The following HTR4 variants were observed in gnomAD, a reference collection of about 807,000 sequenced individuals.
HTR4 encodes the protein 5-hydroxytryptamine (serotonin) receptor 4, G protein-coupled.
Under a neutral mutation model 36.8 loss-of-function variants are expected in HTR4, and 16 were observed. That is an observed-to-expected ratio of 0.43 (90% CI 0.29 to 0.66). The LOEUF (loss-of-function observed/expected upper bound fraction) is 0.66, where lower values mean the gene tolerates loss of function less well. HTR4 is among the 30% of genes least tolerant of loss of function. The pLI, the probability that HTR4 is intolerant of heterozygous loss-of-function variation, is 0.13. For synonymous variants in HTR4, 189 were observed against 185.1 expected (o/e 1.02, Z -0.17); for missense variants, 438 against 490.9 (o/e 0.89, Z 1.02).
intron 6 of HTR4, among the ~76,000 whole-genome samples, chr5:148,495,636 A>G (rs1169269276): frequency 6.6e-6 from 1 of 152,180 alleles, no homozygotes; most frequent in African/African-American, 2.4e-5. Context: ...TCAAATTAAT[A>G]TGACTTGTTC....
chr5:148,610,466 C>A (rs1752377284), intron 2 of HTR4, among the ~76,000 whole-genome samples: 1 of 152,156 alleles, frequency 6.6e-6, no homozygotes, highest in Non-Finnish European at 1.5e-5. Context: ...AGCTGAGGGT[C>A]CTGTCTGCTA....
In HTR4 at chr5:148,497,288, G is replaced by T. The variant is rs191590994; in HGVS notation, c.1076+12168C>A. Among the ~76,000 whole-genome samples, 32 of 152,176 alleles carry T rather than the reference G, an allele frequency of 2.1e-4. 1 individual carries two copies. The East Asian group carries it at 5.0e-3, about 24-fold the overall frequency. On this transcript the variant is annotated intron_variant, in intron 6 of 6. Transcript: ENST00000377888. ...TTTTTCTTAATTCACATACTAATTG[G>T]TTTTTTCTCATGTGTAGGAAAGTCA...
chr5:148,633,972 G>C (rs1346366416), intron 2 of HTR4, among the ~76,000 whole-genome samples: 3 of 152,052 alleles, frequency 2.0e-5, no homozygotes, highest in Non-Finnish European at 4.4e-5. Context: ...GATGTTTTTA[G>C]TCAAGGATGC....
chr5:148,464,841 A>G lies in HTR4; in HGVS notation c.1077-13569T>C, dbSNP rs374261499. On this transcript the variant is annotated intron_variant, in intron 5 of 5. Transcript: ENST00000521530. ...GGAAAGCAACCGAGAAATTTTTAGTAGGTGAATGGATAAATTGTAGTGCTT... is the reference window on the plus strand; with the variant it reads ...GGAAAGCAACCGAGAAATTTTTAGTGGGTGAATGGATAAATTGTAGTGCTT... Among the ~76,000 whole-genome samples the G allele has an allele frequency of 2.6e-5, 4 of 152,318 alleles. 1 individual carries two copies. Among genetic ancestry groups the G allele is most frequent in the East Asian group, 1.9e-4 (1 of 5,182 alleles).
intron 6 of HTR4, among the ~76,000 whole-genome samples, chr5:148,505,793 A>G (rs1334931030): frequency 6.6e-6 from 1 of 152,230 alleles, no homozygotes; most frequent in Non-Finnish European, 1.5e-5. Flanking sequence ...AGAGAATAAA[A>G]TACCTAGGAA....
rs142315076 is a variant in HTR4, at chr5:148,579,531, T to C, written c.27-29269A>G. Among the ~76,000 whole-genome samples, 266 of 152,132 alleles carry C rather than the reference T, an allele frequency of 1.7e-3. 1 individual carries two copies. Among genetic ancestry groups the C allele is most frequent in the Non-Finnish European group, 2.6e-3 (176 of 67,958 alleles). On this transcript the variant is annotated intron_variant, in intron 2 of 6. Transcript: ENST00000377888. The stretch of plus-strand genomic sequence containing the variant: ...TAACAATTTACTGCAAAGTTAGCAG[T>C]TTAATATAACACCCATTCATTATCT...
chr5:148,514,088 C>T (rs779367610), intron 5 of HTR4, among the ~76,000 whole-genome samples: 3 of 152,008 alleles, frequency 2.0e-5, no homozygotes, highest in Non-Finnish European at 4.4e-5. Flanking sequence ...CTTTCCAATC[C>T]TAATATCACT....
At chr5:148,614,517 T>C (rs1269220564) in intron 2 of HTR4, among the ~76,000 whole-genome samples, 4 of 152,066 alleles carry the variant, frequency 2.6e-5, no homozygotes, top group African/African-American at 9.7e-5. Flanking sequence ...TTACACCTTA[T>C]ACAAAAATTA....
intron 2 of HTR4, among the ~76,000 whole-genome samples, chr5:148,627,245 A>G (rs553652201): frequency 6.6e-6 from 1 of 152,282 alleles, no homozygotes; most frequent in South Asian, 2.1e-4. Flanking sequence ...TTCCGTGCAG[A>G]CTGATAGATC....
rs1753851127 is a variant in HTR4, at chr5:148,645,388, T to C, written c.-47-8327A>G. 3 of 152,254 alleles carry C rather than the reference T, an allele frequency of 2.0e-5. No homozygotes were observed. In the South Asian group the frequency reaches 6.2e-4, roughly 31 times the overall value. 9.4% of individuals were successfully genotyped at this position (152,254 alleles called of 1,614,324 possible). A position where few individuals can be genotyped will look rare whatever the true frequency, so the allele number is the denominator to read the frequency against. ...CATGGACATAGAAATTTGAATTTTA[T>C]GTAATTTACACTTGTCACAAAATAT... On this transcript the variant is annotated intron_variant, in intron 1 of 6. Transcript: ENST00000377888.
intron 6 of HTR4, among the ~76,000 whole-genome samples, chr5:148,500,250 A>C (rs1282006759): frequency 6.6e-6 from 1 of 152,138 alleles, no homozygotes; most frequent in African/African-American, 2.4e-5. Flanking sequence ...TATTGATCAA[A>C]GAGTGAGGTG....
chr5:148,466,058 A>C, intron 5 of HTR4: 2 of 1,500,666 alleles, frequency 1.3e-6, no homozygotes, highest in Non-Finnish European at 1.8e-6. Flanking sequence ...AATATTCTTA[A>C]AGTGCTTTTA....
intron 2 of HTR4, among the ~76,000 whole-genome samples, chr5:148,601,516 G>C (rs1761995208): frequency 6.6e-6 from 1 of 152,130 alleles, no homozygotes; most frequent in South Asian, 2.1e-4. Flanking sequence ...CCTTTAAAAA[G>C]AGGGCCAGGT....
rs201447879 is a variant in HTR4, at chr5:148,465,904, G to C, written c.1077-14632C>G. On this transcript the variant is annotated intron_variant, in intron 5 of 5. Transcript: ENST00000521530. ...GTCTATTGCAGAAGAGCAGGAGGAA[G>C]CTGGAGACAGGGGAACAGCCACTTT... is the stretch of plus-strand genomic sequence containing the variant. The C allele has an allele frequency of 6.1e-5, 99 of 1,613,582 alleles. No individual in the cohort carries two copies. In the Middle Eastern group the frequency reaches 8.2e-4, roughly 13 times the overall value.
intron 1 of HTR4, among the ~76,000 whole-genome samples, chr5:148,648,729 G>A (rs1478273500): frequency 1.3e-5 from 2 of 152,016 alleles, no homozygotes; most frequent in Non-Finnish European, 2.9e-5. Flanking sequence ...TGGCAACTAT[G>A]CTTCTGCTAT....
Position 148,654,254 on chromosome 5 carries a change from G to T in HTR4, c.-240C>A. On this transcript the variant is annotated 5_prime_UTR_variant, in exon 1 of 7. Coordinates refer to ENST00000377888, the MANE Select transcript of HTR4 (RefSeq NM_000870.7). ...GGCGAGCGTGAGGCGCGGGCCAGGG[G>T]CTGCGGGCGCAGGACCCCAGCCCCG... The T allele has an allele frequency of 5.1e-6, 5 of 985,182 alleles. No homozygotes were observed. Among genetic ancestry groups the T allele is most frequent in the Non-Finnish European group, 2.4e-6 (2 of 829,856 alleles). 61.0% of individuals were successfully genotyped at this position (985,182 alleles called of 1,614,324 possible).
At chr5:148,637,555 C>T (rs959278322) in intron 1 of HTR4, among the ~76,000 whole-genome samples, 7 of 152,050 alleles carry the variant, frequency 4.6e-5, no homozygotes, top group South Asian at 2.1e-4. Context: ...AAAATAGATA[C>T]GCATGCACAC....
intron 2 of HTR4, chr5:148,629,275 C>G (rs1753234088): frequency 6.6e-6 from 1 of 152,112 alleles, no homozygotes; most frequent in African/African-American, 2.4e-5. Context: ...TAACACTACC[C>G]TCTGTGTGTT....
intron 5 of HTR4, among the ~76,000 whole-genome samples, chr5:148,517,376 T>G (rs1295783751): frequency 5.9e-5 from 9 of 152,154 alleles, no homozygotes; most frequent in Non-Finnish European, 1.2e-4. Context: ...TCCACTTTTT[T>G]TTTTCTTTCT....
Sources: allele counts gnomAD v4.1 joint callset (sites outside exome capture counted in the v4.1 genomes callset), GRCh38; gene constraint gnomAD v4.1.1; transcripts MANE v1.5; gene names NCBI Gene and HGNC (gene_info 2026-07-23, HGNC 2026-07-21).